The following TONSL variants were observed in gnomAD, a reference collection of about 807,000 sequenced individuals.
The protein encoded by TONSL is tonsoku like, DNA repair protein.
A neutral mutation model predicts 147.1 loss-of-function variants in TONSL; 112 were observed. The ratio of observed to expected loss-of-function variants is 0.76; its 90% CI spans 0.65 to 0.89. The LOEUF (loss-of-function observed/expected upper bound fraction) is 0.89. Among genes scored for constraint, TONSL ranks in the 40% least tolerant of loss-of-function variants. The pLI, the probability that TONSL is intolerant of heterozygous loss-of-function variation, is 0.00. For synonymous variants in TONSL, 868 were observed against 801.5 expected, an observed-to-expected ratio of 1.08 and a Z score of -1.40; for missense variants, 1,883 against 1,864.6, an observed-to-expected ratio of 1.01 and a Z score of -0.18.
chr8:144,440,295 C>G (rs1158332114), intron 10 of TONSL, 56 bp downstream of exon 10: 1 of 1,561,134 alleles, frequency 6.4e-7, no homozygotes, highest in Non-Finnish European at 8.7e-7. Context: ...GGCAGGCAGG[C>G]TGCAACGAAG....
At position 144,441,036 on chromosome 8, in the gene TONSL, C is replaced by A; in HGVS notation, c.941G>T (p.Cys314Phe). 2 of 1,613,090 alleles carry A rather than the reference C, an allele frequency of 1.2e-6. No homozygotes were observed. The highest frequency in any genetic ancestry group is 1.7e-6 in the Non-Finnish European group (2 of 1,180,002). The change falls in exon 8 of 26, where the codon TGT becomes TTT. Residue 314 changes from cysteine to phenylalanine, a missense_variant. Cys to Phe is a radical substitution (Grantham distance 205, BLOSUM62 -2). Coordinates refer to ENST00000409379, the MANE Select transcript of TONSL (RefSeq NM_013432.5). ...GGAGAAGAGGTCCCCTAGCTGCTCA[C>A]AGATGACCATGGCACCCTGAGGGTC... ...GRDPQGAMVICEQLGDLFSKA... is the reference protein window; with the variant it reads ...GRDPQGAMVIFEQLGDLFSKA...
rs903512639 is a variant in TONSL, at chr8:144,434,414, C to T, written c.3086-135G>A. The T allele has an allele frequency of 2.9e-5, 23 of 780,894 alleles. No homozygotes were observed. The East Asian group carries it at 6.6e-4, about 22-fold the overall frequency. The allele number at this position is 780,894 out of a possible 1,614,324, so 48.4% of individuals were successfully genotyped here. On this transcript the variant is annotated intron_variant, in intron 20 of 25. Coordinates refer to ENST00000409379, the MANE Select transcript of TONSL (RefSeq NM_013432.5). ...AGACTTGCTGTAGAGCCCACTCGCA[C>T]ATGCCTGTGGGTCTAGCACTGTGAG...
chr8:144,440,525 A>G, intron 9 of TONSL, 49 bp from the exon 10 acceptor site: 1 of 1,546,998 alleles, frequency 6.5e-7, no homozygotes, highest in Non-Finnish European at 8.7e-7. Flanking sequence ...GTCTGCGTCC[A>G]ACGGGCCCCA....
At chr8:144,431,804 C>T (rs1322588051) in intron 23 of TONSL, among the ~76,000 whole-genome samples, 1 of 150,208 alleles carries the variant, frequency 6.7e-6, no homozygotes, top group Non-Finnish European at 1.5e-5. Context: ...TAAGCTACCA[C>T]GCCCAGCCTG....
intron 7 of TONSL, chr8:144,441,723 G>C: frequency 3.0e-6 from 1 of 330,512 alleles, no homozygotes; most frequent in Non-Finnish European, 5.6e-6. Flanking sequence ...CACCCTGGGA[G>C]GCTAGGGGTA....
intron 13 of TONSL, 24 bp from the exon 14 acceptor site, chr8:144,437,123 C>T: frequency 1.2e-6 from 2 of 1,608,870 alleles, no homozygotes; most frequent in Non-Finnish European, 1.7e-6. Context: ...CAGGAAGGAG[C>T]CTGGCCCTGT....
In TONSL at chr8:144,443,887, A is replaced by G. The variant is rs1344043114; in HGVS notation, c.259T>C (p.Leu87=). The change falls in exon 3 of 26, where the codon TTG becomes CTG. Residue 87 remains leucine, a synonymous_variant. Coordinates refer to ENST00000409379, the MANE Select transcript of TONSL (RefSeq NM_013432.5). ...GCCAGTGAGGGCGCCCGCACCTGCA[A>G]GGCAGCCGGGTAGTCCTCCATCTCG... ...LAEMEDYPAA[L]QHQHQYLELA... is the part of the protein sequence containing the mutation. 1.3e-6 allele frequency: 2 copies of G among 1,545,214 alleles called. No homozygotes were observed. Among genetic ancestry groups the G allele is most frequent in the Non-Finnish European group, 1.7e-6 (2 of 1,146,614 alleles).
At position 144,431,570 on chromosome 8, in the gene TONSL, G is replaced by A. The variant is rs1034026560; in HGVS notation, c.3736-419C>T. Among the ~76,000 whole-genome samples, 22 of 151,332 alleles carry A rather than the reference G, an allele frequency of 1.5e-4. No homozygotes were observed. In the East Asian group the frequency reaches 3.3e-3, roughly 23 times the overall value. ...CGCTCTGTCGCCCAGGGTGGAGTGC[G>A]GTGGCGCCATCTCGGCTCACTGCAA... On this transcript the variant is annotated intron_variant, in intron 23 of 25. Transcript: ENST00000409379.
Position 144,436,807 on chromosome 8 carries a change from C to G in TONSL, c.1840G>C (p.Ala614Pro). The G allele has an allele frequency of 6.2e-7, 1 of 1,611,422 alleles. No individual in the cohort carries two copies. Among genetic ancestry groups the G allele is most frequent in the Middle Eastern group, 1.6e-4 (1 of 6,062 alleles). ...DALNCGHFEV[A>P]ELLLERGASV... ...GCCCCCCGTTCAAGCAGCAGCTCAGCCACCTCGAAGTGGCCACAGTTGAGG... is the reference window on the plus strand; with the variant it reads ...GCCCCCCGTTCAAGCAGCAGCTCAGGCACCTCGAAGTGGCCACAGTTGAGG... Residue 614 changes from alanine (A) to proline (P), a missense_variant, in exon 15 of 26, where the codon GCT becomes CCT. Physicochemically the swap from Ala to Pro is conservative, Grantham distance 27 (BLOSUM62 -1). Coordinates refer to ENST00000409379, the MANE Select transcript of TONSL (RefSeq NM_013432.5).
chr8:144,442,554 AGGTGG>A, intron 5 of TONSL, 118 bp downstream of exon 5: 1 of 1,491,776 alleles, frequency 6.7e-7, no homozygotes, highest in East Asian at 2.3e-5. Flanking sequence ...CAGGTGTGAG[AGGTGG>A]GGGGATGAGG....
intron 18 of TONSL, 108 bp from the exon 19 acceptor site, chr8:144,435,278 A>G: frequency 7.2e-7 from 1 of 1,398,550 alleles, no homozygotes; most frequent in Admixed American, 2.9e-5. Flanking sequence ...TGCTTCTCCC[A>G]TTCCCAGGTA....
rs1174661125 is a variant in TONSL, at chr8:144,443,949, C to A, written c.197G>T (p.Cys66Phe). 2 of 1,543,468 alleles carry A rather than the reference C, an allele frequency of 1.3e-6. No homozygotes were observed. The highest frequency in any genetic ancestry group is 1.7e-6 in the Non-Finnish European group (2 of 1,146,678). Reference sequence around the variant, plus strand: ...TCCGATCTTGCGGTGGGCCACGGCACAGCCCAGAGGGTCGTCAGCGCGCTC... The same window carrying A: ...TCCGATCTTGCGGTGGGCCACGGCAAAGCCCAGAGGGTCGTCAGCGCGCTC... Reference protein sequence around the residue: ...LRERADDPLGCAVAHRKIGER... With the variant: ...LRERADDPLGFAVAHRKIGER... The change falls in exon 3 of 26, where the codon TGT becomes TTT. Residue 66 changes from cysteine (C) to phenylalanine (F), a missense_variant. Coordinates refer to ENST00000409379, the MANE Select transcript of TONSL (RefSeq NM_013432.5).
In TONSL at chr8:144,444,400, G is replaced by T; in HGVS notation, c.15C>A (p.Arg5=). 1 of 1,271,062 alleles carries T rather than the reference G, an allele frequency of 7.9e-7. No homozygotes were observed. The highest frequency in any genetic ancestry group is 9.9e-7 in the Non-Finnish European group (1 of 1,006,752). The allele number at this position is 1,271,062 out of a possible 1,614,324, so 78.7% of individuals were successfully genotyped here. Residue 5 remains arginine (R), a synonymous_variant, in exon 1 of 26, where the codon CGC becomes CGA. Transcript: ENST00000409379. ...CCCCGAGGAACTTACGGCGAAGCTC[G>T]CGCTCCAGGCTCATGCTCGGATCGC... MSLE[R]ELRQLSKAKA... is the part of the protein sequence containing the mutation.
intron 3 of TONSL, among the ~76,000 whole-genome samples, 153 bp downstream of exon 3, chr8:144,443,716 TGGGGTCCCCACCG>T (rs1210933989): frequency 6.6e-6 from 1 of 152,224 alleles, no homozygotes; most frequent in Non-Finnish European, 1.5e-5. Flanking sequence ...GGAAAGGCTG[TGGGGTCCCCACCG>T]GAGGACTGGC....
chr8:144,431,797 G>A (rs1246856789), intron 23 of TONSL, among the ~76,000 whole-genome samples: 1 of 150,318 alleles, frequency 6.7e-6, no homozygotes, highest in Admixed American at 6.6e-5. Context: ...ACAGGCGTAA[G>A]CTACCACGCC....
At chr8:144,440,587 C>T (rs1823674878) in intron 9 of TONSL, 111 bp from the exon 10 acceptor site, 34 of 1,521,828 alleles carry the variant, frequency 2.2e-5, no homozygotes, top group Non-Finnish European at 2.8e-5. Flanking sequence ...CTCCCAGCTG[C>T]CGAGGGTGGA....
Position 144,433,963 on chromosome 8 carries a change from T to A in TONSL, c.3387+15A>T, listed in dbSNP as rs539017568. 2.4e-5 allele frequency: 38 copies of A among 1,554,846 alleles called. No homozygotes were observed. The highest frequency in any genetic ancestry group is 5.6e-5 in the Admixed American group (3 of 53,450). The stretch of plus-strand genomic sequence containing the variant: ...CTCCCCGCTGTTGAGGGCCTGCTGC[T>A]CTCTGTGCCTATACCTGCAAGGTGG... On this transcript the variant is annotated intron_variant, in intron 21 of 25. Transcript: ENST00000409379.
chr8:144,431,469 CTGA>C (rs1823188583), intron 23 of TONSL, among the ~76,000 whole-genome samples: 1 of 152,196 alleles, frequency 6.6e-6, no homozygotes, highest in Admixed American at 6.5e-5. Flanking sequence ...AATTCACAGC[CTGA>C]GACAGGCAGC....
At chr8:144,433,923 G>A in intron 21 of TONSL, 55 bp downstream of exon 21, 4 of 1,506,710 alleles carry the variant, frequency 2.7e-6, no homozygotes, top group Non-Finnish European at 3.6e-6. Context: ...GGGACCTGCA[G>A]AATGGGAACC....
Sources: gnomAD v4.1 joint callset for allele counts (sites outside exome capture counted in the v4.1 genomes callset) on GRCh38, gnomAD v4.1.1 for gene constraint, MANE v1.5 for transcripts, NCBI Gene and HGNC (gene_info 2026-07-23, HGNC 2026-07-21) for gene names.